Variants in TNFAIP8L3 observed in about 807,000 individuals in gnomAD.
The protein encoded by TNFAIP8L3 is TNF alpha induced protein 8 like 3, also known as tumor necrosis factor alpha-induced protein 8-like protein 3.
Under a neutral mutation model 11.8 loss-of-function variants are expected in TNFAIP8L3, and 7 were observed. The observed-to-expected ratio is 0.59, with a 90% CI of 0.34 to 1.11. The LOEUF is 1.11. Ranked by LOEUF, TNFAIP8L3 falls within the 50% of genes most tolerant of loss-of-function variation. The pLI, the probability that TNFAIP8L3 is intolerant of heterozygous loss-of-function variation, is 0.03. For missense variants in TNFAIP8L3, 219 were observed against 258.6 expected, an observed-to-expected ratio of 0.85 and a Z score of 1.05; for synonymous variants, 98 against 103.8, an observed-to-expected ratio of 0.94 and a Z score of 0.34.
chr15:51,069,012 G>A (rs1007225353), intron 1 of TNFAIP8L3, among the ~76,000 whole-genome samples: 2 of 152,166 alleles, frequency 1.3e-5, no homozygotes, highest in African/African-American at 4.8e-5. Flanking sequence ...AATTAGGGTA[G>A]GGAGGGAGAG....
chr15:51,094,797 C>T lies in TNFAIP8L3; in HGVS notation c.-202G>A, dbSNP rs538492573. 458 of 740,964 alleles carry T rather than the reference C, an allele frequency of 6.2e-4. 1 individual carries two copies. The African/African-American group carries it at 7.9e-3, about 13-fold the overall frequency. The allele number at this position is 740,964 out of a possible 1,614,324, so 45.9% of individuals were successfully genotyped here. A position where few individuals can be genotyped will look rare whatever the true frequency, so the allele number is the denominator to read the frequency against. On this transcript the variant is annotated 5_prime_UTR_variant, in exon 1 of 2. Transcript: ENST00000637513. This position sits in a 1 kb window ranked among gnomAD's most constrained non-coding sequence, Gnocchi z 4.4. Reference sequence around the variant, plus strand: ...GCCGCGCCCCGCTCCCCGCGCCCGCCGGCCGGTGCCTGCGCGCGAGGCGAG... The same window carrying T: ...GCCGCGCCCCGCTCCCCGCGCCCGCTGGCCGGTGCCTGCGCGCGAGGCGAG...
At chr15:51,096,511 G>T (rs28444433), upstream of TNFAIP8L3, among the ~76,000 whole-genome samples, 1 of 152,160 alleles carries the variant, frequency 6.6e-6, no homozygotes, top group African/African-American at 2.4e-5. Flanking sequence ...GTGAATGTTT[G>T]ATAACTGGAA....
chr15:51,096,758 G>T (rs906549808), upstream of TNFAIP8L3, among the ~76,000 whole-genome samples: 14 of 151,950 alleles, frequency 9.2e-5, no homozygotes, highest in African/African-American at 3.4e-4. Context: ...AGGTGTGGTG[G>T]TGCATGCCTG....
At chr15:51,073,979 G>C (rs535612680) in intron 1 of TNFAIP8L3, among the ~76,000 whole-genome samples, 1 of 152,030 alleles carries the variant, frequency 6.6e-6, no homozygotes, top group African/African-American at 2.4e-5. Flanking sequence ...AAGACTTTTT[G>C]ATTTAAATCA....
chr15:51,072,204 G>C (rs1156519929), intron 1 of TNFAIP8L3, among the ~76,000 whole-genome samples: 1 of 151,940 alleles, frequency 6.6e-6, no homozygotes, highest in East Asian at 1.9e-4. Context: ...GCAATGGCAC[G>C]ATCTCGGCTC....
At chr15:51,104,731 G>A (rs372992008) in intron 1 of TNFAIP8L3, among the ~76,000 whole-genome samples, 10 of 152,308 alleles carry the variant, frequency 6.6e-5, no homozygotes, top group African/African-American at 2.4e-4. Context: ...TCTGGCCAGC[G>A]TGCCCTTGTG....
At chr15:51,095,216 AGGGG>A (rs2065504897), upstream of TNFAIP8L3, among the ~76,000 whole-genome samples, 2 of 55,716 alleles carry the variant, frequency 3.6e-5, no homozygotes, top group Non-Finnish European at 6.5e-5. Flanking sequence ...AGATGAGGGA[AGGGG>A]GGCGGGGAAT....
At chr15:51,093,789 G>T (rs1202803297) in intron 1 of TNFAIP8L3, among the ~76,000 whole-genome samples, 1 of 152,214 alleles carries the variant, frequency 6.6e-6, no homozygotes, top group Non-Finnish European at 1.5e-5. Context: ...ACGGCTGTGG[G>T]TGGCTTCCTC....
chr15:51,068,034 C>T (rs540303037), intron 1 of TNFAIP8L3, among the ~76,000 whole-genome samples: 7 of 152,244 alleles, frequency 4.6e-5, no homozygotes, highest in East Asian at 1.9e-4. Flanking sequence ...AGATATTTCC[C>T]GAAGGCAGTA....
chr15:51,066,496 TCTG>T, intron 1 of TNFAIP8L3, among the ~76,000 whole-genome samples: 1 of 152,180 alleles, frequency 6.6e-6, no homozygotes, highest in East Asian at 1.9e-4. Context: ...CAACCATCCT[TCTG>T]CTCAGTTTAT....
rs759646370 is a variant in TNFAIP8L3 at position 51,057,823 on chromosome 15, A to G, written c.*58T>C. ...CTGCTTATGTTCTTGATTCTCACCC[A>G]GATCATGGTTGAGTGCTGTAACTTT... On this transcript the variant is annotated 3_prime_UTR_variant, in exon 2 of 2. Coordinates refer to ENST00000637513, the MANE Select transcript of TNFAIP8L3 (RefSeq NM_001311175.2). The G allele has an allele frequency of 3.8e-5, 54 of 1,411,968 alleles. No homozygotes were observed. Among genetic ancestry groups the G allele is most frequent in the Non-Finnish European group, 4.9e-5 (51 of 1,041,146 alleles). 87.5% of individuals were successfully genotyped at this position (1,411,968 alleles called of 1,614,324 possible).
At chr15:51,100,277 G>A (rs1002367843) in intron 1 of TNFAIP8L3, among the ~76,000 whole-genome samples, 1 of 152,190 alleles carries the variant, frequency 6.6e-6, no homozygotes, top group African/African-American at 2.4e-5. Flanking sequence ...TCTGGAGTAG[G>A]TTGAACAATC....
At chr15:51,077,534 ATTGT>A (rs1281554040) in intron 1 of TNFAIP8L3, among the ~76,000 whole-genome samples, 2 of 152,152 alleles carry the variant, frequency 1.3e-5, no homozygotes, top group African/African-American at 2.4e-5. Context: ...CCTGGCTTCA[ATTGT>A]TTGTACCCTG....
intron 1 of TNFAIP8L3, among the ~76,000 whole-genome samples, chr15:51,075,324 G>A (rs979663969): frequency 6.6e-6 from 1 of 152,152 alleles, no homozygotes; most frequent in African/African-American, 2.4e-5. Flanking sequence ...GGGGGCCAGA[G>A]GGATTGCCCA....
chr15:51,081,205 TG>T (rs2065389766), intron 1 of TNFAIP8L3, among the ~76,000 whole-genome samples: 1 of 151,934 alleles, frequency 6.6e-6, no homozygotes, highest in South Asian at 2.1e-4. Context: ...GGGCCTGAGA[TG>T]GGCTAGGGAA....
Position 51,094,483 on chromosome 15 carries a change from C to T in TNFAIP8L3, c.52+61G>A, listed in dbSNP as rs2065496208. 2 of 1,401,738 alleles carry T rather than the reference C, an allele frequency of 1.4e-6. No homozygotes were observed. The highest frequency in any genetic ancestry group is 1.4e-5 in the South Asian group (1 of 69,976). 86.8% of individuals were successfully genotyped at this position (1,401,738 alleles called of 1,614,324 possible). A position where few individuals can be genotyped will look rare whatever the true frequency, so the allele number is the denominator to read the frequency against. On this transcript the variant is annotated intron_variant, in intron 1 of 1. Transcript: ENST00000637513. The surrounding 1 kb of genome is among the most constrained non-coding windows in gnomAD (Gnocchi z 4.4). ...AGGATCGGCTTCCCGATTTCATGCC[C>T]CAGCCTCCCGTCCTCCCCAGCCCCA...
intron 1 of TNFAIP8L3, among the ~76,000 whole-genome samples, chr15:51,078,796 C>T (rs1468948755): frequency 1.3e-5 from 2 of 152,204 alleles, no homozygotes; most frequent in Admixed American, 1.3e-4. Flanking sequence ...CTCTCCCTCA[C>T]CTCCCATATC....
At chr15:51,093,720 G>A (rs1213326597) in intron 1 of TNFAIP8L3, among the ~76,000 whole-genome samples, 1 of 152,168 alleles carries the variant, frequency 6.6e-6, no homozygotes, top group Non-Finnish European at 1.5e-5. Context: ...GCGTAGACCC[G>A]TGGGTGGGGG....
intron 1 of TNFAIP8L3, among the ~76,000 whole-genome samples, chr15:51,090,492 C>G (rs1283983227): frequency 1.3e-5 from 2 of 152,198 alleles, no homozygotes; most frequent in Non-Finnish European, 2.9e-5. Flanking sequence ...GACCAACTTA[C>G]TCCCTGTACT....
Sources: gnomAD v4.1 joint callset for allele counts (sites outside exome capture counted in the v4.1 genomes callset) on GRCh38, gnomAD v4.1.1 for gene constraint, Gnocchi (gnomAD v3.1) non-coding constraint, MANE v1.5 for transcripts, NCBI Gene and HGNC (gene_info 2026-07-23, HGNC 2026-07-21) for gene names.